The following CCSER1 variants were observed in gnomAD, a reference collection of about 807,000 sequenced individuals.
The protein encoded by CCSER1 is serine-rich coiled-coil domain-containing protein 1.
A neutral mutation model predicts 82.0 loss-of-function variants in CCSER1; 41 were observed. The observed-to-expected ratio is 0.50, with a 90% CI of 0.39 to 0.65. The LOEUF (loss-of-function observed/expected upper bound fraction) is 0.65, where lower values mean the gene tolerates loss of function less well. Ranked by LOEUF, CCSER1 falls within the 30% of genes least tolerant of loss-of-function variation. CCSER1 has a pLI of 0.00. For missense variants in CCSER1, 1,119 were observed against 1,064.2 expected, an observed-to-expected ratio of 1.05 and a Z score of -0.72; for synonymous variants, 414 against 383.9, an observed-to-expected ratio of 1.08 and a Z score of -0.92.
chr4:91,089,541 C>T (rs1210930623), intron 10 of CCSER1, among the ~76,000 whole-genome samples: 1 of 152,196 alleles, frequency 6.6e-6, no homozygotes, highest in Admixed American at 6.5e-5. Context: ...TTCTCACTTT[C>T]ATTTTCACTA....
At chr4:90,685,640 C>T (rs939963316) in intron 6 of CCSER1, among the ~76,000 whole-genome samples, 1 of 152,120 alleles carries the variant, frequency 6.6e-6, no homozygotes, top group African/African-American at 2.4e-5. Flanking sequence ...AAGTCCTTTC[C>T]ATCAATTTAG....
intron 10 of CCSER1, among the ~76,000 whole-genome samples, chr4:91,489,401 A>G (rs1405774112): frequency 6.6e-6 from 1 of 152,110 alleles, no homozygotes; most frequent in African/African-American, 2.4e-5. Context: ...GCCTGCCTTC[A>G]TTTATCCCTT....
chr4:90,382,688 T>C (rs1749387580), intron 3 of CCSER1, among the ~76,000 whole-genome samples: 1 of 152,130 alleles, frequency 6.6e-6, no homozygotes, highest in African/African-American at 2.4e-5. Flanking sequence ...AGGTTGCATT[T>C]CTCTGTACCT....
chr4:90,933,177 GTGTGTGATTTTATTTT>G (rs1730438820), intron 9 of CCSER1, among the ~76,000 whole-genome samples: 1 of 108,496 alleles, frequency 9.2e-6, no homozygotes. Flanking sequence ...GTGTGTGTGT[GTGTGTGATTTTATTTT>G]ATTTTTTTTT....
At chr4:91,507,420 C>T (rs1759558577) in intron 10 of CCSER1, among the ~76,000 whole-genome samples, 1 of 151,866 alleles carries the variant, frequency 6.6e-6, no homozygotes, top group African/African-American at 2.4e-5. Context: ...ATTTGCATAT[C>T]TTTTATTTAT....
chr4:91,158,316 G>T (rs939163360), intron 10 of CCSER1, among the ~76,000 whole-genome samples: 3 of 151,860 alleles, frequency 2.0e-5, no homozygotes, highest in Admixed American at 6.6e-5. Context: ...ATTCTTGTTG[G>T]CATGGAGTGC....
chr4:91,210,918 A>G (rs148996973), intron 10 of CCSER1, among the ~76,000 whole-genome samples: 1 of 152,030 alleles, frequency 6.6e-6, no homozygotes, highest in African/African-American at 2.4e-5. Flanking sequence ...AATACACACT[A>G]AGTATTCGGG....
intron 10 of CCSER1, among the ~76,000 whole-genome samples, chr4:91,296,930 A>G (rs11946078): frequency 0.22 from 33,784 of 151,636 alleles, 5,013 homozygotes; most frequent in African/African-American, 0.43. Context: ...TATAATGAAT[A>G]TTATATTTTT....
At chr4:90,699,233 G>A (rs1290476725) in intron 6 of CCSER1, among the ~76,000 whole-genome samples, 4 of 152,100 alleles carry the variant, frequency 2.6e-5, no homozygotes, top group Non-Finnish European at 5.9e-5. Flanking sequence ...GGAAGTCGAG[G>A]CAGGTGAGTC....
At chr4:90,448,036 T>G (rs1391872784) in intron 4 of CCSER1, among the ~76,000 whole-genome samples, 1 of 152,156 alleles carries the variant, frequency 6.6e-6, no homozygotes, top group African/African-American at 2.4e-5. Context: ...TGCATTTTAG[T>G]TAAACCACCC....
At chr4:91,238,781 G>T (rs190532086) in intron 10 of CCSER1, among the ~76,000 whole-genome samples, 27 of 152,060 alleles carry the variant, frequency 1.8e-4, no homozygotes, top group African/African-American at 6.3e-4. Context: ...TCATAAAAAC[G>T]GTTTGCATTT....
intron 10 of CCSER1, among the ~76,000 whole-genome samples, chr4:91,205,988 G>A (rs1163900375): frequency 1.3e-5 from 2 of 151,754 alleles, no homozygotes; most frequent in Non-Finnish European, 2.9e-5. Flanking sequence ...AATATGAGAA[G>A]TGCAGAGAGC....
At chr4:91,272,903 G>T (rs995205837) in intron 10 of CCSER1, among the ~76,000 whole-genome samples, 9 of 152,102 alleles carry the variant, frequency 5.9e-5, no homozygotes, top group Admixed American at 5.9e-4. Context: ...TTGGTTGGCT[G>T]TAAGTATTTG....
chr4:90,182,623 G>A (rs1733924724), intron 1 of CCSER1, among the ~76,000 whole-genome samples: 1 of 152,072 alleles, frequency 6.6e-6, no homozygotes, highest in Admixed American at 6.6e-5. Context: ...TCTTATTTAG[G>A]CAATTGCAGA....
intron 10 of CCSER1, among the ~76,000 whole-genome samples, chr4:91,374,104 C>T (rs185398756): frequency 8.8e-4 from 134 of 151,796 alleles, no homozygotes; most frequent in African/African-American, 3.1e-3. Context: ...ATCTTCATAA[C>T]ATAAAGGAGC....
At chr4:90,667,440 C>T (rs1244526806) in intron 6 of CCSER1, among the ~76,000 whole-genome samples, 1 of 152,064 alleles carries the variant, frequency 6.6e-6, no homozygotes, top group East Asian at 1.9e-4. Context: ...GTTTGCTGCA[C>T]CCATCAACCC....
At chr4:91,094,600 C>T (rs944479740) in intron 10 of CCSER1, among the ~76,000 whole-genome samples, 2 of 152,088 alleles carry the variant, frequency 1.3e-5, no homozygotes, top group African/African-American at 4.8e-5. Flanking sequence ...TAAGATGAAC[C>T]TGTATTCCTT....
At chr4:90,298,382 CTT>C (rs961411985) in intron 1 of CCSER1, among the ~76,000 whole-genome samples, 5 of 151,928 alleles carry the variant, frequency 3.3e-5, no homozygotes, top group African/African-American at 1.2e-4. Flanking sequence ...ATTCTTCTCT[CTT>C]TTCTTCTTTA....
At chr4:91,293,883 T>C (rs1743959101) in intron 10 of CCSER1, among the ~76,000 whole-genome samples, 1 of 152,020 alleles carries the variant, frequency 6.6e-6, no homozygotes, top group South Asian at 2.1e-4. Flanking sequence ...TTGTTTGATC[T>C]GCAAAAATTT....
Sources: gnomAD v4.1 joint callset for allele counts (sites outside exome capture counted in the v4.1 genomes callset) on GRCh38, gnomAD v4.1.1 for gene constraint, MANE v1.5 for transcripts, NCBI Gene and HGNC (gene_info 2026-07-23, HGNC 2026-07-21) for gene names.